CAST: variants seen among roughly 807,000 people sequenced by gnomAD.
CAST encodes the protein calpastatin, also known as MIR583 host.
Under a neutral mutation model 119.6 loss-of-function variants are expected in CAST, and 76 were observed. The ratio of observed to expected loss-of-function variants is 0.64; its 90% CI spans 0.53 to 0.77. CAST has a LOEUF of 0.77. Ranked by LOEUF, CAST falls within the 30% of genes least tolerant of loss-of-function variation. CAST has a pLI of 0.00. For missense variants in CAST, 953 were observed against 946.5 expected (o/e 1.01, Z -0.09); for synonymous variants, 319 against 331.6 (o/e 0.96, Z 0.41).
At chr5:96,668,181 A>G (rs1749589545) in intron 1 of CAST, among the ~76,000 whole-genome samples, 1 of 152,040 alleles carries the variant, frequency 6.6e-6, no homozygotes. Flanking sequence ...CACCCTTTCA[A>G]CATGTTTTAA....
chr5:96,387,313 AAAT>A, the CAST span, among the ~76,000 whole-genome samples: 90 of 152,334 alleles, frequency 5.9e-4, no homozygotes, highest in Non-Finnish European at 1.1e-3. Context: ...CTGTAAGTAA[AAAT>A]AACAACAGCA....
chr5:96,479,826 A>G, the CAST span, among the ~76,000 whole-genome samples: 1 of 152,102 alleles, frequency 6.6e-6, no homozygotes, highest in South Asian at 2.1e-4. Flanking sequence ...ATTGTAGTAA[A>G]TTATAGGAAG....
At chr5:96,435,749 C>T in the CAST span, among the ~76,000 whole-genome samples, 14 of 152,270 alleles carry the variant, frequency 9.2e-5, no homozygotes, top group African/African-American at 3.4e-4. Context: ...TCATGATGCT[C>T]ACAACTGCCC....
chr5:96,617,022 C>G (rs764019036), intron 1 of CAST, among the ~76,000 whole-genome samples: 1 of 152,064 alleles, frequency 6.6e-6, no homozygotes, highest in African/African-American at 2.4e-5. Context: ...TGTCTTAATC[C>G]GTTGACACAT....
At chr5:95,969,568 C>T in the CAST span, among the ~76,000 whole-genome samples, 1 of 151,908 alleles carries the variant, frequency 6.6e-6, no homozygotes, top group African/African-American at 2.4e-5. Flanking sequence ...GTAATGAGGC[C>T]TTGTACTAGG....
chr5:96,596,036 G>A (rs1291517116), intron 1 of CAST, among the ~76,000 whole-genome samples: 1 of 152,204 alleles, frequency 6.6e-6, no homozygotes, highest in Non-Finnish European at 1.5e-5. Flanking sequence ...GTGCTTAGGA[G>A]TGTGAGGTGT....
the CAST span, among the ~76,000 whole-genome samples, chr5:96,244,993 C>CTA: frequency 6.6e-6 from 1 of 152,176 alleles, no homozygotes; most frequent in Non-Finnish European, 1.5e-5. Context: ...CTATCAAAAG[C>CTA]AATTATAACT....
chr5:96,080,148 A>G, the CAST span, among the ~76,000 whole-genome samples: 1 of 152,134 alleles, frequency 6.6e-6, no homozygotes, highest in Non-Finnish European at 1.5e-5. Flanking sequence ...AACTTTCTGT[A>G]CCTCAGTTTT....
the CAST span, among the ~76,000 whole-genome samples, chr5:96,501,210 C>T: frequency 6.6e-6 from 1 of 152,110 alleles, no homozygotes; most frequent in African/African-American, 2.4e-5. Context: ...CCTGAGACAA[C>T]TATAAAATAT....
the CAST span, among the ~76,000 whole-genome samples, chr5:96,500,624 C>T: frequency 6.6e-6 from 1 of 152,186 alleles, no homozygotes. Context: ...TGTGTGCAAT[C>T]ACCTCCAAAC....
At chr5:96,232,301 T>C in the CAST span, among the ~76,000 whole-genome samples, 1 of 152,074 alleles carries the variant, frequency 6.6e-6, no homozygotes, top group Non-Finnish European at 1.5e-5. Context: ...TAGAGAAAAC[T>C]GATACAAAAT....
intron 1 of CAST, among the ~76,000 whole-genome samples, chr5:96,605,925 G>A (rs1747243943): frequency 6.6e-6 from 1 of 152,162 alleles, no homozygotes; most frequent in Non-Finnish European, 1.5e-5. Context: ...TGTTAACATA[G>A]CTGTGATAAC....
At chr5:96,519,699 C>T in the CAST span, among the ~76,000 whole-genome samples, 10 of 152,046 alleles carry the variant, frequency 6.6e-5, no homozygotes, top group Admixed American at 1.3e-4. Flanking sequence ...TTACATCTCC[C>T]GGGTTCAAGC....
chr5:96,757,564 C>G lies in CAST; in HGVS notation c.1762-19C>G, dbSNP rs771107248. 4.7e-5 allele frequency: 75 copies of G among 1,612,690 alleles called. 1 individual carries two copies. In the Admixed American group the frequency reaches 6.5e-4, roughly 14 times the overall value. On this transcript the variant is annotated intron_variant, in intron 23 of 31. Coordinates refer to ENST00000675179, the MANE Select transcript of CAST (RefSeq NM_001750.7). ...CTGATTGCAATGGTGTTTGTTGATA[C>G]ATTTCCTGGTTCTTGCAGCCCATGA... is the stretch of plus-strand genomic sequence containing the variant.
chr5:96,084,415 G>A, the CAST span, among the ~76,000 whole-genome samples: 3 of 152,220 alleles, frequency 2.0e-5, no homozygotes, highest in African/African-American at 7.2e-5. Context: ...AGATTGTGGA[G>A]TGGGTTAGTA....
chr5:96,373,958 A>T, the CAST span, among the ~76,000 whole-genome samples: 1 of 151,908 alleles, frequency 6.6e-6, no homozygotes, highest in African/African-American at 2.4e-5. Flanking sequence ...TATCTACTTG[A>T]ATTCATTGTT....
chr5:96,410,108 T>C, the CAST span, among the ~76,000 whole-genome samples: 3 of 152,132 alleles, frequency 2.0e-5, no homozygotes, highest in Admixed American at 6.5e-5. Flanking sequence ...TCTCCCTTTG[T>C]TCTCAAAGCC....
chr5:96,274,251 A>G, the CAST span, among the ~76,000 whole-genome samples: 2 of 151,772 alleles, frequency 1.3e-5, no homozygotes, highest in Admixed American at 6.6e-5. Flanking sequence ...ACAGGCGCCC[A>G]CCACCATGCC....
chr5:96,576,773 C>T (rs1228539171), intron 1 of CAST, among the ~76,000 whole-genome samples: 2 of 150,836 alleles, frequency 1.3e-5, no homozygotes, highest in South Asian at 2.1e-4. Context: ...TTTTTGTTTT[C>T]GTTTTTGTTT....
Sources: gnomAD v4.1 joint callset for allele counts (sites outside exome capture counted in the v4.1 genomes callset) on GRCh38, gnomAD v4.1.1 for gene constraint, MANE v1.5 for transcripts, NCBI Gene and HGNC (gene_info 2026-07-23, HGNC 2026-07-21) for gene names.